LONP2: variants seen among roughly 807,000 people sequenced by gnomAD.
LONP2 encodes the protein lon peptidase 2, peroxisomal, also known as lon protease homolog 2, peroxisomal.
A neutral mutation model predicts 85.6 loss-of-function variants in LONP2; 60 were observed. The observed-to-expected ratio is 0.70, with a 90% CI of 0.57 to 0.87. The LOEUF is 0.87. Among genes scored for constraint, LONP2 ranks in the 40% least tolerant of loss-of-function variants. The pLI is 0.00. For synonymous variants in LONP2, 395 were observed against 389.7 expected (o/e 1.01, Z -0.16); for missense variants, 860 against 1,063.5 (o/e 0.81, Z 2.66).
intron 9 of LONP2, among the ~76,000 whole-genome samples, chr16:48,297,946 C>T (rs528924353): frequency 1.2e-3 from 187 of 152,342 alleles, no homozygotes; most frequent in African/African-American, 4.4e-3. Context: ...GATCCACCCA[C>T]CTTGGCCTCC....
Position 48,347,688 on chromosome 16 carries a change from A to G in LONP2, c.2120A>G (p.Asn707Ser), listed in dbSNP as rs1567354045. 1.2e-6 allele frequency: 2 copies of G among 1,613,876 alleles called. No homozygotes were observed. The highest frequency in any genetic ancestry group is 1.7e-6 in the Non-Finnish European group (2 of 1,179,970). The change falls in exon 13 of 15, where the codon AAC becomes AGC. Residue 707 changes from asparagine (N) to serine (S), a missense_variant. Coordinates refer to ENST00000285737, the MANE Select transcript of LONP2 (RefSeq NM_031490.5). ...AHLAISWLRS[N>S]AKKYQLTNAF... ...CTCGCTATCAGCTGGCTCCGCAGCA[A>G]CGCAAAGAAGTACCAGCTGACCAAT...
rs1337662222 is a variant in LONP2 at position 48,355,717 on chromosome 16, T to A, written c.*3915T>A. Reference sequence around the variant, plus strand: ...TAGCCCTCCAAATGGGTGTGACGTATTTTGATTCTATGTCCCTAATGACTA... The same window carrying A: ...TAGCCCTCCAAATGGGTGTGACGTAATTTGATTCTATGTCCCTAATGACTA... On this transcript the variant is annotated 3_prime_UTR_variant, in exon 15 of 15. Coordinates refer to ENST00000285737, the MANE Select transcript of LONP2 (RefSeq NM_031490.5). 1 of 152,192 alleles carries A rather than the reference T, an allele frequency of 6.6e-6. No homozygotes were observed. Among genetic ancestry groups the A allele is most frequent in the Non-Finnish European group, 1.5e-5 (1 of 68,040 alleles). The allele number at this position is 152,192 out of a possible 1,614,324, so 9.4% of individuals were successfully genotyped here.
At chr16:48,330,869 A>C (rs1196785016) in intron 11 of LONP2, among the ~76,000 whole-genome samples, 1 of 152,188 alleles carries the variant, frequency 6.6e-6, no homozygotes, top group Non-Finnish European at 1.5e-5. Flanking sequence ...TATAAGGTCT[A>C]GTTGCATTAG....
chr16:48,256,345 A>C (rs1971760413), intron 2 of LONP2, among the ~76,000 whole-genome samples: 1 of 152,244 alleles, frequency 6.6e-6, no homozygotes, highest in South Asian at 2.1e-4. Flanking sequence ...AGAAAGTTAA[A>C]AATAATCATG....
chr16:48,332,925 A>G (rs1210058345), intron 11 of LONP2, among the ~76,000 whole-genome samples: 2 of 97,182 alleles, frequency 2.1e-5, no homozygotes, highest in South Asian at 2.4e-4. Context: ...ATAGATAGAT[A>G]GACAATGTTA....
intron 10 of LONP2, among the ~76,000 whole-genome samples, chr16:48,301,446 T>C (rs1010092157): frequency 4.6e-5 from 7 of 152,184 alleles, no homozygotes; most frequent in Admixed American, 4.6e-4. Context: ...GCTCAAGCCA[T>C]CTTGCCATCT....
In LONP2 at chr16:48,305,948, A is replaced by T. The variant is rs573109364; in HGVS notation, c.1795+2643A>T. ...CTACCATTTATAGAAATTTGAATTT[A>T]AAAAAAATGTCCTAGGTGAGGGAGT... On this transcript the variant is annotated intron_variant, in intron 11 of 14. Coordinates refer to ENST00000285737, the MANE Select transcript of LONP2 (RefSeq NM_031490.5). 1.4e-3 allele frequency among the ~76,000 whole-genome samples: 212 copies of T among 152,154 alleles called. 1 individual carries two copies. Among genetic ancestry groups the T allele is most frequent in the African/African-American group, 4.9e-3 (205 of 41,530 alleles).
In LONP2 at chr16:48,244,418, C is replaced by CA. The variant is rs1567301064; in HGVS notation, c.31dup (p.Ser11LysfsTer55). ...CATCAGTGAGCCCCATCCAGATCCC[C>CA]AGTCGCCTCCCGCTGCTGCTCACCC... On this transcript the variant is annotated frameshift_variant, in exon 1 of 15. Transcript: ENST00000285737. LOFTEE classifies it high-confidence loss of function. The CA allele has an allele frequency of 1.3e-6, 2 of 1,582,074 alleles. No individual in the cohort carries two copies. The highest frequency in any genetic ancestry group is 1.7e-6 in the Non-Finnish European group (2 of 1,169,666).
chr16:48,349,987 T>G (rs1051930561), intron 14 of LONP2, among the ~76,000 whole-genome samples: 1 of 127,952 alleles, frequency 7.8e-6, no homozygotes, highest in African/African-American at 2.8e-5. Flanking sequence ...GCGTGGCAGC[T>G]GACGTCTGTA....
intron 1 of LONP2, among the ~76,000 whole-genome samples, chr16:48,250,042 A>C (rs897988341): frequency 6.6e-6 from 1 of 151,850 alleles, no homozygotes; most frequent in African/African-American, 2.4e-5. Context: ...AAATACAAAA[A>C]TTAGCTGGGC....
At chr16:48,284,737 C>T (rs55650659) in intron 8 of LONP2, among the ~76,000 whole-genome samples, 1,860 of 152,060 alleles carry the variant, frequency 0.012, 39 homozygotes, top group African/African-American at 0.042. Context: ...GCAAAATTTG[C>T]TTTATTGCAG....
rs773616444 is a variant in LONP2 at position 48,261,547 on chromosome 16, C to T, written c.847C>T (p.Pro283Ser). ...GAAAAAAATACGAACATCTAGTATG[C>T]CAGAGCAGGCCCATAAAGTCTGTGT... ...LEKKIRTSSM[P>S]EQAHKVCVKE... The change falls in exon 5 of 15, where the codon CCA becomes TCA. Residue 283 changes from proline (P) to serine (S), a missense_variant. By Grantham distance (74) the Pro-to-Ser change is moderately conservative. Around this residue, in one of 3 missense-constraint regions of LONP2, gnomAD observed 743 missense variants for 917.3 expected, o/e 0.81. Transcript: ENST00000285737. 6.9e-6 allele frequency: 11 copies of T among 1,601,002 alleles called. No homozygotes were observed. In the Admixed American group the frequency reaches 1.7e-4, roughly 25 times the overall value.
In LONP2 at chr16:48,256,565, A is replaced by T. The variant is rs200319783; in HGVS notation, c.469-45A>T. 4.4e-5 allele frequency: 70 copies of T among 1,595,950 alleles called. No individual in the cohort carries two copies. In the African/African-American group the frequency reaches 7.2e-4, roughly 16 times the overall value. On this transcript the variant is annotated intron_variant, in intron 2 of 14. Coordinates refer to ENST00000285737, the MANE Select transcript of LONP2 (RefSeq NM_031490.5). ...GAAATCTGATTTTTAAAAATTCACA[A>T]ATAATGCCAGATTTCATTTAAAAGA...
chr16:48,296,710 G>A (rs946253290), intron 9 of LONP2, among the ~76,000 whole-genome samples: 181 of 119,510 alleles, frequency 1.5e-3, no homozygotes, highest in African/African-American at 5.5e-3. Flanking sequence ...GTGACAGAGT[G>A]AAACTCCATT....
intron 12 of LONP2, among the ~76,000 whole-genome samples, chr16:48,341,890 G>A (rs1039735413): frequency 5.3e-5 from 8 of 152,176 alleles, no homozygotes; most frequent in Non-Finnish European, 7.3e-5. Flanking sequence ...CCCCGAATCC[G>A]AGGAGGGGCC....
At chr16:48,320,804 G>A (rs956247333) in intron 11 of LONP2, among the ~76,000 whole-genome samples, 7 of 152,152 alleles carry the variant, frequency 4.6e-5, no homozygotes, top group African/African-American at 1.7e-4. Context: ...CCGGGAGGAA[G>A]CTTCAATGAA....
At chr16:48,339,118 C>T (rs981548137) in intron 12 of LONP2, among the ~76,000 whole-genome samples, 3 of 151,832 alleles carry the variant, frequency 2.0e-5, no homozygotes, top group African/African-American at 7.3e-5. Flanking sequence ...AGAAGCAAGC[C>T]CTGAAGAACA....
intron 11 of LONP2, among the ~76,000 whole-genome samples, chr16:48,319,146 G>A (rs749053397): frequency 1.3e-5 from 2 of 152,098 alleles, no homozygotes; most frequent in Non-Finnish European, 2.9e-5. Context: ...TTGGGAGGCC[G>A]AGGCAGGCAG....
intron 11 of LONP2, among the ~76,000 whole-genome samples, chr16:48,311,247 CT>C (rs1481696992): frequency 6.6e-6 from 1 of 152,076 alleles, no homozygotes; most frequent in African/African-American, 2.4e-5. Context: ...AATAGGTTTT[CT>C]GAAATTTTTG....
Sources: allele counts gnomAD v4.1 joint callset (sites outside exome capture counted in the v4.1 genomes callset), GRCh38; gene constraint gnomAD v4.1.1; regional missense constraint gnomAD v4.1.1; transcripts MANE v1.5; gene names NCBI Gene and HGNC (gene_info 2026-07-23, HGNC 2026-07-21).